Variants in SPOCK3 observed in about 807,000 individuals in gnomAD.
The protein encoded by SPOCK3 is SPARC (osteonectin), cwcv and kazal like domains proteoglycan 3, also known as testican-3.
Under a neutral mutation model 56.6 loss-of-function variants are expected in SPOCK3, and 30 were observed. The ratio of observed to expected loss-of-function variants is 0.53; its 90% CI spans 0.40 to 0.72. The LOEUF (loss-of-function observed/expected upper bound fraction) is 0.72, where lower values mean the gene tolerates loss of function less well. Among genes scored for constraint, SPOCK3 ranks in the 30% least tolerant of loss-of-function variants. SPOCK3 has a pLI of 0.00. For missense variants in SPOCK3, 527 were observed against 530.0 expected, an observed-to-expected ratio of 0.99 and a Z score of 0.06; for synonymous variants, 196 against 183.3, an observed-to-expected ratio of 1.07 and a Z score of -0.56.
Position 167,000,430 on chromosome 4 carries a change from A to G in SPOCK3, c.269T>C (p.Met90Thr). 6.2e-7 allele frequency: 1 copy of G among 1,604,928 alleles called. No individual in the cohort carries two copies. The highest frequency in any genetic ancestry group is 1.7e-5 in the Admixed American group (1 of 59,072). Residue 90 changes from methionine (M) to threonine (T), a missense_variant, in exon 4 of 11, where the codon ATG (methionine) becomes ACG (threonine). Met to Thr is a moderately conservative substitution (Grantham distance 81). Coordinates refer to ENST00000357545, the MANE Select transcript of SPOCK3 (RefSeq NM_001040159.2). Reference sequence around the variant, plus strand: ...GCATACTTTATGGCGACTACATTTCATCTTTAAGCATGGATCCTTAGCTGG... The same window carrying G: ...GCATACTTTATGGCGACTACATTTCGTCTTTAAGCATGGATCCTTAGCTGG... ...LDPAKDPCLK[M>T]KCSRHKVCIA...
chr4:166,805,881 A>G (rs1037963164), intron 6 of SPOCK3, among the ~76,000 whole-genome samples: 2 of 152,120 alleles, frequency 1.3e-5, no homozygotes, highest in Admixed American at 1.3e-4. Context: ...ATTGTTTACA[A>G]TAAATACTAT....
Position 167,047,645 on chromosome 4 carries a change from G to T in SPOCK3, c.235+14847C>A, listed in dbSNP as rs1304644972. 3.3e-5 allele frequency among the ~76,000 whole-genome samples: 5 copies of T among 152,188 alleles called. No individual in the cohort carries two copies. The East Asian group carries it at 9.6e-4, about 29-fold the overall frequency. On this transcript the variant is annotated intron_variant, in intron 3 of 10. Transcript: ENST00000357545. ...ATTCTAACTTTGGCAGTCAGACAATGATTTTTCTATAGGCATTTTAATATT... is the reference window on the plus strand; with the variant it reads ...ATTCTAACTTTGGCAGTCAGACAATTATTTTTCTATAGGCATTTTAATATT...
At chr4:166,842,237 G>A (rs1180226729) in intron 6 of SPOCK3, among the ~76,000 whole-genome samples, 1 of 152,206 alleles carries the variant, frequency 6.6e-6, no homozygotes, top group African/African-American at 2.4e-5. Flanking sequence ...GAGGACTTCA[G>A]CACGTTGCTT....
intron 3 of SPOCK3, among the ~76,000 whole-genome samples, chr4:167,014,020 A>T (rs1286922394): frequency 6.6e-6 from 1 of 152,196 alleles, no homozygotes; most frequent in Non-Finnish European, 1.5e-5. Context: ...TAGAGTATTT[A>T]CAGGCACATA....
intron 2 of SPOCK3, among the ~76,000 whole-genome samples, chr4:167,195,880 G>T (rs1418413982): frequency 6.6e-6 from 1 of 152,124 alleles, no homozygotes; most frequent in Non-Finnish European, 1.5e-5. Flanking sequence ...CTTTTACAAA[G>T]GTACTTTTAT....
intron 6 of SPOCK3, among the ~76,000 whole-genome samples, chr4:166,863,568 C>A (rs1157239322): frequency 2.1e-5 from 2 of 94,102 alleles, no homozygotes; most frequent in Non-Finnish European, 5.7e-5. Flanking sequence ...CACACATAGA[C>A]TTAAAAATAA....
rs562544595 is a variant in SPOCK3, at chr4:166,742,746, G to A, written c.932-687C>T. On this transcript the variant is annotated intron_variant, in intron 8 of 10. Coordinates refer to ENST00000357545, the MANE Select transcript of SPOCK3 (RefSeq NM_001040159.2). The stretch of plus-strand genomic sequence containing the variant: ...AAAATAAGCTGAAAACATTTAAACC[G>A]ATCTGGAAATAGTCTTTGCCTATTT... Among the ~76,000 whole-genome samples the A allele has an allele frequency of 4.6e-5, 7 of 152,106 alleles. No homozygotes were observed. In the East Asian group the frequency reaches 9.7e-4, roughly 21 times the overall value.
At chr4:167,166,629 C>T (rs950140135) in intron 2 of SPOCK3, among the ~76,000 whole-genome samples, 2 of 152,012 alleles carry the variant, frequency 1.3e-5, no homozygotes, top group Non-Finnish European at 2.9e-5. Flanking sequence ...TTAATAGTGT[C>T]CTGTCAGACA....
At chr4:167,011,116 T>C (rs1750005345) in intron 3 of SPOCK3, 1 of 265,902 alleles carries the variant, frequency 3.8e-6, no homozygotes, top group African/African-American at 2.2e-5. Flanking sequence ...AAAGAGATAA[T>C]CTTAGATTGG....
At chr4:167,078,524 C>T (rs1432627539) in intron 2 of SPOCK3, among the ~76,000 whole-genome samples, 1 of 151,356 alleles carries the variant, frequency 6.6e-6, no homozygotes, top group African/African-American at 2.4e-5. Context: ...CAAAGCAAGC[C>T]TAAGTGTTTT....
intron 6 of SPOCK3, among the ~76,000 whole-genome samples, chr4:166,874,112 G>A (rs576488323): frequency 3.3e-5 from 5 of 152,226 alleles, no homozygotes; most frequent in African/African-American, 1.2e-4. Flanking sequence ...GAATGGTAAA[G>A]ATAATGTCTT....
chr4:166,946,239 A>G (rs957235580), intron 4 of SPOCK3, among the ~76,000 whole-genome samples: 1 of 152,142 alleles, frequency 6.6e-6, no homozygotes, highest in Non-Finnish European at 1.5e-5. Context: ...AATTGTCTCA[A>G]AACATAACTC....
chr4:166,859,887 A>G (rs1731065216), intron 6 of SPOCK3, among the ~76,000 whole-genome samples: 1 of 152,166 alleles, frequency 6.6e-6, no homozygotes, highest in Non-Finnish European at 1.5e-5. Flanking sequence ...GAAGTATCCT[A>G]TATTTTATAA....
intron 7 of SPOCK3, among the ~76,000 whole-genome samples, chr4:166,768,327 C>A (rs912799291): frequency 6.6e-6 from 1 of 152,082 alleles, no homozygotes; most frequent in Admixed American, 6.6e-5. Context: ...TGGCTGGTAC[C>A]GATTGTTCCT....
chr4:166,906,757 T>A (rs573406888), intron 5 of SPOCK3, among the ~76,000 whole-genome samples: 3 of 152,102 alleles, frequency 2.0e-5, no homozygotes, highest in South Asian at 4.1e-4. Flanking sequence ...TTTTTTAATT[T>A]TTTTTAGTGA....
chr4:166,752,556 A>G (rs1200062389), intron 8 of SPOCK3, among the ~76,000 whole-genome samples: 10 of 42,066 alleles, frequency 2.4e-4, no homozygotes, highest in Admixed American at 8.1e-4. Flanking sequence ...ATGTGTGTAT[A>G]TATATATATA....
At chr4:167,028,319 G>A (rs1751913210) in intron 3 of SPOCK3, among the ~76,000 whole-genome samples, 1 of 151,744 alleles carries the variant, frequency 6.6e-6, no homozygotes, top group Non-Finnish European at 1.5e-5. Flanking sequence ...TGAGGCCGTA[G>A]TGAGCTATGA....
At chr4:166,857,754 A>G (rs1177041848) in intron 6 of SPOCK3, among the ~76,000 whole-genome samples, 1 of 152,226 alleles carries the variant, frequency 6.6e-6, no homozygotes, top group East Asian at 1.9e-4. Context: ...TCATATGCTG[A>G]GAAAGTAGTA....
chr4:167,178,281 A>G (rs1580528880), intron 2 of SPOCK3, among the ~76,000 whole-genome samples: 1 of 152,250 alleles, frequency 6.6e-6, no homozygotes, highest in East Asian at 1.9e-4. Context: ...TGAGGGTTTC[A>G]CTTCTCAACA....
Sources: gnomAD v4.1 joint callset for allele counts (sites outside exome capture counted in the v4.1 genomes callset) on GRCh38, gnomAD v4.1.1 for gene constraint, MANE v1.5 for transcripts, NCBI Gene and HGNC (gene_info 2026-07-23, HGNC 2026-07-21) for gene names.